Variants in CCSER1 observed in about 807,000 individuals in gnomAD.
CCSER1 encodes the protein coiled-coil serine rich protein 1.
Under a neutral mutation model 82.0 loss-of-function variants are expected in CCSER1, and 41 were observed. The ratio of observed to expected loss-of-function variants is 0.50; its 90% CI spans 0.39 to 0.65. The LOEUF is 0.65. Ranked by LOEUF, CCSER1 falls within the 30% of genes least tolerant of loss-of-function variation. CCSER1 has a pLI of 0.00. For missense variants in CCSER1, 1,119 were observed against 1,064.2 expected (o/e 1.05, Z -0.72); for synonymous variants, 414 against 383.9 (o/e 1.08, Z -0.92).
intron 10 of CCSER1, among the ~76,000 whole-genome samples, chr4:91,119,967 A>C: frequency 6.6e-6 from 1 of 152,018 alleles, no homozygotes; most frequent in East Asian, 1.9e-4. Flanking sequence ...TTTATAAATT[A>C]TCTAGTTCTA....
At chr4:90,257,024 A>G (rs1396139578) in intron 1 of CCSER1, among the ~76,000 whole-genome samples, 3 of 151,822 alleles carry the variant, frequency 2.0e-5, no homozygotes, top group Non-Finnish European at 4.4e-5. Context: ...AGTTTCAGGC[A>G]TCCACTGCGG....
chr4:90,426,933 A>G (rs1757604682), intron 4 of CCSER1, among the ~76,000 whole-genome samples: 1 of 152,134 alleles, frequency 6.6e-6, no homozygotes, highest in African/African-American at 2.4e-5. Flanking sequence ...CAAAACTTCT[A>G]GATGATTCTT....
At chr4:91,366,894 C>G (rs1249853393) in intron 10 of CCSER1, among the ~76,000 whole-genome samples, 4 of 151,968 alleles carry the variant, frequency 2.6e-5, no homozygotes, top group Non-Finnish European at 5.9e-5. Context: ...GTATAATTAC[C>G]AAATATAGTT....
chr4:91,178,466 G>T (rs1581717323), intron 10 of CCSER1, among the ~76,000 whole-genome samples: 1 of 152,056 alleles, frequency 6.6e-6, no homozygotes, highest in African/African-American at 2.4e-5. Flanking sequence ...GGTCACTAAG[G>T]ACTTGCTTTA....
intron 6 of CCSER1, among the ~76,000 whole-genome samples, chr4:90,684,895 C>T (rs1734528393): frequency 6.6e-6 from 1 of 152,148 alleles, no homozygotes; most frequent in Admixed American, 6.5e-5. Context: ...TGACTTGCTC[C>T]TCCTTGCCTT....
intron 8 of CCSER1, among the ~76,000 whole-genome samples, chr4:90,845,235 G>A (rs548552560): frequency 1.1e-4 from 16 of 151,830 alleles, no homozygotes; most frequent in South Asian, 8.3e-4. Flanking sequence ...GGTGACACGC[G>A]CCTGTAATCC....
intron 9 of CCSER1, among the ~76,000 whole-genome samples, chr4:91,077,097 CA>C (rs1722076769): frequency 6.6e-6 from 1 of 152,168 alleles, no homozygotes; most frequent in South Asian, 2.1e-4. Flanking sequence ...AGTGAACTGT[CA>C]GTAGAATTCC....
chr4:90,748,448 T>G (rs1379725233), intron 7 of CCSER1, among the ~76,000 whole-genome samples: 6 of 150,034 alleles, frequency 4.0e-5, no homozygotes, highest in Non-Finnish European at 8.9e-5. Flanking sequence ...GTTGGACATT[T>G]GGGTTGGTTC....
In CCSER1 at chr4:91,462,803, G is replaced by T. The variant is rs115817582; in HGVS notation, c.2218-135769G>T. 2.6e-3 allele frequency among the ~76,000 whole-genome samples: 400 copies of T among 152,254 alleles called. 3 individuals are homozygous for T. The highest frequency in any genetic ancestry group is 8.9e-3 in the African/African-American group (372 of 41,568). On this transcript the variant is annotated intron_variant, in intron 10 of 10. Transcript: ENST00000509176. ...GATCGAACTGCAAGGCAGCAGTGAG[G>T]CTTGGGGAGGGGCGCCTGCAATTGC...
intron 10 of CCSER1, among the ~76,000 whole-genome samples, chr4:91,170,321 C>G (rs139336989): frequency 6.6e-6 from 1 of 152,202 alleles, no homozygotes; most frequent in East Asian, 1.9e-4. Context: ...ATAACAGATG[C>G]ATGATAAATC....
At chr4:90,438,927 A>G (rs903717641) in intron 4 of CCSER1, among the ~76,000 whole-genome samples, 3 of 152,204 alleles carry the variant, frequency 2.0e-5, no homozygotes. Context: ...CATATTGGAA[A>G]TGAGAAACAG....
intron 9 of CCSER1, among the ~76,000 whole-genome samples, chr4:91,060,848 T>C (rs1465077755): frequency 6.6e-6 from 1 of 152,078 alleles, no homozygotes; most frequent in African/African-American, 2.4e-5. Context: ...GTTTTTCACA[T>C]ATTCTCTCAG....
At chr4:90,496,504 T>C (rs1390554137) in intron 5 of CCSER1, among the ~76,000 whole-genome samples, 1 of 152,162 alleles carries the variant, frequency 6.6e-6, no homozygotes, top group Non-Finnish European at 1.5e-5. Context: ...TAGAATTGAT[T>C]TGTCCTCATA....
At chr4:91,438,389 C>T (rs1754833156) in intron 10 of CCSER1, among the ~76,000 whole-genome samples, 2 of 152,188 alleles carry the variant, frequency 1.3e-5, no homozygotes, top group South Asian at 2.1e-4. Flanking sequence ...GAGTGGACCT[C>T]TAGCAAACTC....
At chr4:90,397,117 C>G (rs1752063412) in intron 3 of CCSER1, among the ~76,000 whole-genome samples, 1 of 152,166 alleles carries the variant, frequency 6.6e-6, no homozygotes, top group Non-Finnish European at 1.5e-5. Context: ...AGATTCTCCT[C>G]TACAGTAACA....
intron 9 of CCSER1, among the ~76,000 whole-genome samples, chr4:91,040,972 T>G (rs1223645593): frequency 6.6e-6 from 1 of 152,210 alleles, no homozygotes; most frequent in African/African-American, 2.4e-5. Flanking sequence ...AAATTGACTG[T>G]GTTTGTTACA....
chr4:91,406,287 T>C (rs1414277364), intron 10 of CCSER1, among the ~76,000 whole-genome samples: 1 of 152,200 alleles, frequency 6.6e-6, no homozygotes, highest in East Asian at 1.9e-4. Context: ...TTCTTTCCTA[T>C]GTTGTTCAAG....
intron 8 of CCSER1, among the ~76,000 whole-genome samples, chr4:90,915,684 G>T (rs1727261168): frequency 6.7e-6 from 1 of 149,350 alleles, no homozygotes; most frequent in African/African-American, 2.5e-5. Flanking sequence ...GCAGGAGAAA[G>T]AAATAAAGGG....
intron 8 of CCSER1, among the ~76,000 whole-genome samples, chr4:90,842,179 C>T (rs59275904): frequency 0.065 from 9,885 of 152,212 alleles, 659 homozygotes; most frequent in African/African-American, 0.17. Flanking sequence ...TTAAACAAAG[C>T]AAAATTATTT....
Sources: allele counts gnomAD v4.1 joint callset (sites outside exome capture counted in the v4.1 genomes callset), GRCh38; gene constraint gnomAD v4.1.1; transcripts MANE v1.5; gene names NCBI Gene and HGNC (gene_info 2026-07-23, HGNC 2026-07-21).